SMYD4: variants seen among roughly 807,000 people sequenced by gnomAD.
SMYD4 encodes SET and MYND domain containing 4, also known as protein-lysine N-methyltransferase SMYD4.
A neutral mutation model predicts 72.8 loss-of-function variants in SMYD4; 68 were observed. The observed-to-expected ratio is 0.93, with a 90% CI of 0.77 to 1.14. SMYD4 has a LOEUF of 1.14. Ranked by LOEUF, SMYD4 falls within the 50% of genes most tolerant of loss-of-function variation. SMYD4 has a pLI of 0.00. For missense variants in SMYD4, 984 were observed against 1,003.7 expected (o/e 0.98, Z 0.27); for synonymous variants, 407 against 388.6 (o/e 1.05, Z -0.56).
chr17:1,816,129 C>T (rs932927118), intron 2 of SMYD4, among the ~76,000 whole-genome samples: 1 of 152,154 alleles, frequency 6.6e-6, no homozygotes, highest in Non-Finnish European at 1.5e-5. Flanking sequence ...TAAACCATAA[C>T]TCCTCATTCC....
chr17:1,808,420 G>A (rs1015157752), intron 3 of SMYD4, among the ~76,000 whole-genome samples: 12 of 152,076 alleles, frequency 7.9e-5, no homozygotes, highest in African/African-American at 2.2e-4. Flanking sequence ...ACGTATTTTC[G>A]GAGGAAAAAG....
At chr17:1,824,916 C>T (rs759054900) in intron 2 of SMYD4, among the ~76,000 whole-genome samples, 2 of 152,156 alleles carry the variant, frequency 1.3e-5, no homozygotes, top group Admixed American at 6.5e-5. Flanking sequence ...TGAGCCACCG[C>T]GCCCGGTGAA....
At chr17:1,807,168 G>A (rs1481681341) in intron 3 of SMYD4, among the ~76,000 whole-genome samples, 1 of 152,034 alleles carries the variant, frequency 6.6e-6, no homozygotes, top group East Asian at 1.9e-4. Context: ...GGGATTACAG[G>A]TGTGAGCCAC....
At chr17:1,801,802 C>T (rs1909776276) in intron 4 of SMYD4, among the ~76,000 whole-genome samples, 1 of 151,322 alleles carries the variant, frequency 6.6e-6, no homozygotes, top group African/African-American at 2.4e-5. Context: ...TGGTGAAACC[C>T]CATCTCTACT....
chr17:1,817,821 G>A (rs908820717), intron 2 of SMYD4, among the ~76,000 whole-genome samples: 46 of 152,106 alleles, frequency 3.0e-4, no homozygotes, highest in Middle Eastern at 3.4e-3. Flanking sequence ...GCCGAGGTGG[G>A]CGGATCACGA....
chr17:1,817,963 C>A (rs921406569), intron 2 of SMYD4, among the ~76,000 whole-genome samples: 10 of 145,142 alleles, frequency 6.9e-5, no homozygotes, highest in African/African-American at 2.6e-4. Flanking sequence ...AGGAGAATGG[C>A]GTGAACCCGG....
At chr17:1,803,589 T>C (rs1909880877) in intron 4 of SMYD4, among the ~76,000 whole-genome samples, 1 of 152,146 alleles carries the variant, frequency 6.6e-6, no homozygotes, top group Non-Finnish European at 1.5e-5. Flanking sequence ...AACATCTGCC[T>C]CCCAGGTTCA....
In SMYD4 at chr17:1,787,493, A is replaced by T; in HGVS notation, c.1649T>A (p.Phe550Tyr). The change falls in exon 6 of 11, where the codon TTC (phenylalanine) becomes TAC (tyrosine). Residue 550 changes from phenylalanine to tyrosine, a missense_variant. Transcript: ENST00000305513. ...CCGGATGGTGGCGACAGTGCTAATG[A>T]AGGACACGCTGGTGTTGGGGCTACA... Reference protein sequence around the residue: ...HSCSPNTSVSFISTVATIRAS... With the variant: ...HSCSPNTSVSYISTVATIRAS... The T allele has an allele frequency of 6.3e-7, 1 of 1,577,470 alleles. No homozygotes were observed. The highest frequency in any genetic ancestry group is 1.9e-5 in the Admixed American group (1 of 53,798).
rs537223600 is a variant in SMYD4, at chr17:1,823,550, G to A, written c.134+4311C>T. Among the ~76,000 whole-genome samples the A allele has an allele frequency of 3.3e-3, 499 of 152,222 alleles. 2 individuals are homozygous for A. The highest frequency in any genetic ancestry group is 0.011 in the African/African-American group (445 of 41,536). The stretch of plus-strand genomic sequence containing the variant: ...GCCTCTGGGCCACTTCCTGGGAGCC[G>A]CCTGGGTACTGAGACTCCCCTGCTT... On this transcript the variant is annotated intron_variant, in intron 2 of 10. Coordinates refer to ENST00000305513, the MANE Select transcript of SMYD4 (RefSeq NM_052928.3).
chr17:1,800,215 A>G lies in SMYD4; in HGVS notation c.1179T>C (p.Tyr393=). Reference sequence around the variant, plus strand: ...CATTTTTCTCACTCTCCCCTAGGCCATAATTAAGTGTCTTGACCTGATTGT... The same window carrying G: ...CATTTTTCTCACTCTCCCCTAGGCCGTAATTAAGTGTCTTGACCTGATTGT... ...ESNNQVKTLN[Y]GLGESEKNGN... is the part of the protein sequence containing the mutation. The change falls in exon 5 of 11, where the codon TAT becomes TAC. Residue 393 remains tyrosine (Y), a synonymous_variant. Transcript: ENST00000305513. 1 of 1,613,832 alleles carries G rather than the reference A, an allele frequency of 6.2e-7. No homozygotes were observed. Among genetic ancestry groups the G allele is most frequent in the Non-Finnish European group, 8.5e-7 (1 of 1,179,770 alleles).
At chr17:1,797,346 TGAA>T (rs1028109189) in intron 5 of SMYD4, among the ~76,000 whole-genome samples, 1 of 152,226 alleles carries the variant, frequency 6.6e-6, no homozygotes, top group Non-Finnish European at 1.5e-5. Flanking sequence ...TCTGCTAAAA[TGAA>T]GATCATAAAA....
At chr17:1,794,097 A>T (rs28495512) in intron 5 of SMYD4, among the ~76,000 whole-genome samples, 1 of 11,768 alleles carries the variant, frequency 8.5e-5, no homozygotes, top group African/African-American at 2.2e-4. Context: ...ATATATATAT[A>T]TATATATATT....
rs80084044 is a variant in SMYD4 at position 1,783,455 on chromosome 17, G to A, written c.2042C>T (p.Ser681Leu). The A allele has an allele frequency of 6.8e-6, 11 of 1,610,092 alleles. No homozygotes were observed. In the African/African-American group the frequency reaches 1.1e-4, roughly 16 times the overall value. Residue 681 changes from serine to leucine, a missense_variant, in exon 9 of 11, where the codon TCG (serine) becomes TTG (leucine). Physicochemically the swap from Ser to Leu is moderately radical, Grantham distance 145 (BLOSUM62 -2). Coordinates refer to ENST00000305513, the MANE Select transcript of SMYD4 (RefSeq NM_052928.3). The part of the protein sequence containing the change: ...GELERAVQRL[S>L]GCQRDAESFL... ...GCTCTCGGCGTCACGCTGGCACCCC[G>A]ACAGCCGCTGAACAGCTCGCTCTGT...
In SMYD4 at chr17:1,800,441, C is replaced by T; in HGVS notation, c.953G>A (p.Cys318Tyr). ...GGCCTGCTGCAAACACTCCTGGCTG[C>T]AATACTTGGCATAACTGCATCCGTC... is the stretch of plus-strand genomic sequence containing the variant. The part of the protein sequence containing the change: ...PCDGCSYAKY[C>Y]SQECLQQAWE... The change falls in exon 5 of 11, where the codon TGC becomes TAC. Residue 318 changes from cysteine to tyrosine, a missense_variant. Physicochemically the swap from Cys to Tyr is radical, Grantham distance 194. Coordinates refer to ENST00000305513, the MANE Select transcript of SMYD4 (RefSeq NM_052928.3). 6.2e-7 allele frequency: 1 copy of T among 1,614,182 alleles called. No homozygotes were observed.
chr17:1,822,156 C>T (rs145269332), intron 2 of SMYD4, among the ~76,000 whole-genome samples: 2,501 of 151,976 alleles, frequency 0.016, 78 homozygotes, highest in African/African-American at 0.057. Flanking sequence ...ATCACTTGAA[C>T]CTGGGAGGCA....
At chr17:1,798,287 AT>A (rs972972503) in intron 5 of SMYD4, among the ~76,000 whole-genome samples, 2 of 151,642 alleles carry the variant, frequency 1.3e-5, no homozygotes. Context: ...TACCTGGCTA[AT>A]TTTTGTATTT....
Position 1,779,603 on chromosome 17 carries a change from A to C in SMYD4, c.*1683T>G, listed in dbSNP as rs1178871487. 1 of 152,286 alleles carries C rather than the reference A, an allele frequency of 6.6e-6. No homozygotes were observed. Among genetic ancestry groups the C allele is most frequent in the Non-Finnish European group, 1.5e-5 (1 of 68,054 alleles). The allele number at this position is 152,286 out of a possible 1,614,324, so 9.4% of individuals were successfully genotyped here. On this transcript the variant is annotated 3_prime_UTR_variant, in exon 11 of 11. Coordinates refer to ENST00000305513, the MANE Select transcript of SMYD4 (RefSeq NM_052928.3). ...GTTGGTTACTGACTCTGCCAAGAGT[A>C]CAGAATGAAGGGCAGAGAGTAAGGA...
intron 5 of SMYD4, among the ~76,000 whole-genome samples, chr17:1,790,856 G>C (rs963924034): frequency 6.6e-6 from 1 of 151,662 alleles, no homozygotes; most frequent in African/African-American, 2.4e-5. Context: ...GCCGGGCGCG[G>C]TGGCTCACGC....
chr17:1,799,880 G>A lies in SMYD4; in HGVS notation c.1514C>T (p.Ala505Val), dbSNP rs137933344. ...HMLQLQCNAQ[A>V]MTTIQHTGPK... Reference sequence around the variant, plus strand: ...ACCTGTGTGTTGTATGGTGGTCATCGCCTGAGCGTTACACTGAAGCTGTAA... The same window carrying A: ...ACCTGTGTGTTGTATGGTGGTCATCACCTGAGCGTTACACTGAAGCTGTAA... The change falls in exon 5 of 11, where the codon GCG (alanine) becomes GTG (valine). Residue 505 changes from alanine to valine, a missense_variant. Transcript: ENST00000305513. 8 of 1,606,440 alleles carry A rather than the reference G, an allele frequency of 5.0e-6. No individual in the cohort carries two copies. Among genetic ancestry groups the A allele is most frequent in the Admixed American group, 1.7e-5 (1 of 59,538 alleles).
Sources: gnomAD v4.1 joint callset for allele counts (sites outside exome capture counted in the v4.1 genomes callset) on GRCh38, gnomAD v4.1.1 for gene constraint, MANE v1.5 for transcripts, NCBI Gene and HGNC (gene_info 2026-07-23, HGNC 2026-07-21) for gene names.